The following MDFIC variants were observed in gnomAD, a reference collection of about 807,000 sequenced individuals.
MDFIC encodes myoD family inhibitor domain-containing protein.
A neutral mutation model predicts 23.2 loss-of-function variants in MDFIC; 17 were observed. The ratio of observed to expected loss-of-function variants is 0.73; its 90% CI spans 0.50 to 1.10. MDFIC has a LOEUF of 1.10. MDFIC is among the 50% of genes least tolerant of loss of function. MDFIC has a pLI of 0.00. For synonymous variants in MDFIC, 120 were observed against 115.2 expected (o/e 1.04, Z -0.27); for missense variants, 356 against 316.6 (o/e 1.12, Z -0.95).
At chr7:114,957,509 G>GT (rs1792906122) in intron 3 of MDFIC, among the ~76,000 whole-genome samples, 1 of 152,044 alleles carries the variant, frequency 6.6e-6, no homozygotes, top group Non-Finnish European at 1.5e-5. Context: ...ATATTAATAA[G>GT]TAAAAAAAAG....
chr7:115,014,532 T>C, intron 4 of MDFIC: 1 of 1,288,354 alleles, frequency 7.8e-7, no homozygotes, highest in Non-Finnish European at 1.0e-6. Context: ...CATGTGACAA[T>C]GGTAAGAGGG....
intron 2 of MDFIC, among the ~76,000 whole-genome samples, chr7:114,932,228 T>G (rs1221802658): frequency 6.6e-6 from 1 of 152,208 alleles, no homozygotes; most frequent in Non-Finnish European, 1.5e-5. Context: ...TAATTCATAC[T>G]TCAGCTAAGG....
chr7:114,979,427 T>A, intron 3 of MDFIC, 79 bp from the exon 4 acceptor site: 2 of 1,398,398 alleles, frequency 1.4e-6, no homozygotes, highest in Non-Finnish European at 1.9e-6. Flanking sequence ...AAATCTCTGT[T>A]ACTGAATGTA....
At chr7:114,929,477 T>C (rs1792266916) in intron 2 of MDFIC, among the ~76,000 whole-genome samples, 1 of 152,168 alleles carries the variant, frequency 6.6e-6, no homozygotes, top group Non-Finnish European at 1.5e-5. Context: ...GTCTCTGGAT[T>C]TTGGCAATCA....
chr7:114,923,526 T>C (rs898653509), intron 2 of MDFIC: 1 of 1,537,408 alleles, frequency 6.5e-7, no homozygotes, highest in Non-Finnish European at 8.7e-7. Flanking sequence ...ATTTCATCTT[T>C]CTGTTTCTTG....
intron 3 of MDFIC, among the ~76,000 whole-genome samples, chr7:114,973,389 C>T (rs1793246911): frequency 2.0e-5 from 3 of 152,036 alleles, no homozygotes; most frequent in Admixed American, 2.0e-4. Context: ...TTGCTGCCAA[C>T]TGCAAAAAAC....
At chr7:114,939,119 A>G (rs1001447277) in intron 2 of MDFIC, among the ~76,000 whole-genome samples, 2 of 151,660 alleles carry the variant, frequency 1.3e-5, no homozygotes, top group Non-Finnish European at 2.9e-5. Context: ...AGACTGCCAT[A>G]TGGGTAGCTC....
intron 3 of MDFIC, among the ~76,000 whole-genome samples, chr7:114,949,919 C>T (rs915317567): frequency 1.3e-5 from 2 of 152,120 alleles, no homozygotes; most frequent in African/African-American, 4.8e-5. Context: ...CAAAGCACAG[C>T]ACACCTACAG....
intron 2 of MDFIC, among the ~76,000 whole-genome samples, chr7:114,938,009 G>T (rs369405398): frequency 4.3e-4 from 65 of 152,268 alleles, no homozygotes; most frequent in African/African-American, 1.5e-3. Flanking sequence ...AGGCTGGAGT[G>T]CAGTGGCGTG....
intron 3 of MDFIC, among the ~76,000 whole-genome samples, chr7:114,954,474 C>T (rs941903212): frequency 3.3e-5 from 5 of 152,296 alleles, no homozygotes; most frequent in Non-Finnish European, 7.4e-5. Context: ...GCCTGTGGGG[C>T]ATAGAGGAAG....
rs1792328198 is a variant in MDFIC at position 114,932,403 on chromosome 7, A to G, written c.94+9276A>G. 4.6e-5 allele frequency among the ~76,000 whole-genome samples: 7 copies of G among 152,204 alleles called. No individual in the cohort carries two copies. The South Asian group carries it at 1.4e-3, about 32-fold the overall frequency. Reference sequence around the variant, plus strand: ...GATTATTTTGGAATAGGCGACATAAAAAGAAAATAAAGAGTTGAAGGTGAT... The same window carrying G: ...GATTATTTTGGAATAGGCGACATAAGAAGAAAATAAAGAGTTGAAGGTGAT... On this transcript the variant is annotated intron_variant, in intron 2 of 4. Transcript: ENST00000393486.
intron 4 of MDFIC, among the ~76,000 whole-genome samples, chr7:115,003,636 G>A (rs1356111432): frequency 2.6e-5 from 4 of 152,142 alleles, no homozygotes; most frequent in South Asian, 2.1e-4. Flanking sequence ...AATTGAAGAT[G>A]TTTTACCTGG....
At chr7:114,923,633 TAAATA>T in intron 2 of MDFIC, 1 of 1,444,326 alleles carries the variant, frequency 6.9e-7, no homozygotes. Context: ...TGTTTTGAAA[TAAATA>T]AACAAGGTTT....
chr7:114,994,328 T>G (rs911058389), intron 4 of MDFIC, among the ~76,000 whole-genome samples: 3 of 152,204 alleles, frequency 2.0e-5, no homozygotes, highest in Non-Finnish European at 4.4e-5. Context: ...GTCTTTTAAT[T>G]GGAGCATTTA....
rs553682503 is a variant in MDFIC, at chr7:114,955,053, A to AC, written c.217+12661dup. On this transcript the variant is annotated intron_variant, in intron 3 of 4. Coordinates refer to ENST00000393486, the MANE Select transcript of MDFIC (RefSeq NM_001166345.3). ...TGTCCCTTCAGAAAGGCCTTCCCAG[A>AC]CCCCCATCTACAATGGCTTTTCCTA... Among the ~76,000 whole-genome samples, 3 of 151,478 alleles carry AC rather than the reference A, an allele frequency of 2.0e-5. No homozygotes were observed. The South Asian group carries it at 6.3e-4, about 32-fold the overall frequency.
At chr7:114,938,616 A>G (rs1792478396) in intron 2 of MDFIC, among the ~76,000 whole-genome samples, 1 of 152,190 alleles carries the variant, frequency 6.6e-6, no homozygotes, top group Non-Finnish European at 1.5e-5. Flanking sequence ...GTAGAGGACC[A>G]TTGGCTTAGA....
At chr7:114,938,049 C>T (rs1296683682) in intron 2 of MDFIC, among the ~76,000 whole-genome samples, 3 of 152,080 alleles carry the variant, frequency 2.0e-5, no homozygotes, top group East Asian at 1.9e-4. Flanking sequence ...TCTGTCTTCC[C>T]GGATTCAAGC....
intron 3 of MDFIC, among the ~76,000 whole-genome samples, chr7:114,949,627 CAACT>C (rs1792720938): frequency 6.6e-6 from 1 of 152,050 alleles, no homozygotes; most frequent in South Asian, 2.1e-4. Flanking sequence ...TACAGTTTAC[CAACT>C]GAGTTATGTT....
At chr7:114,926,569 A>G (rs1179131952) in intron 2 of MDFIC, among the ~76,000 whole-genome samples, 1 of 152,170 alleles carries the variant, frequency 6.6e-6, no homozygotes, top group African/African-American at 2.4e-5. Context: ...GCTAGAATAT[A>G]TTTTAATGTG....
Sources: gnomAD v4.1 joint callset for allele counts (sites outside exome capture counted in the v4.1 genomes callset) on GRCh38, gnomAD v4.1.1 for gene constraint, MANE v1.5 for transcripts, NCBI Gene and HGNC (gene_info 2026-07-23, HGNC 2026-07-21) for gene names.